GALNTL6: variants seen among roughly 807,000 people sequenced by gnomAD.
GALNTL6 encodes the protein polypeptide N-acetylgalactosaminyltransferase-like 6.
A neutral mutation model predicts 73.7 loss-of-function variants in GALNTL6; 46 were observed. The observed-to-expected ratio is 0.62, with a 90% CI of 0.49 to 0.80. GALNTL6 has a LOEUF of 0.80. Among genes scored for constraint, GALNTL6 ranks in the 30% least tolerant of loss-of-function variants. The pLI is 0.00. For missense variants in GALNTL6, 604 were observed against 755.0 expected (o/e 0.80, Z 2.34); for synonymous variants, 259 against 263.7 (o/e 0.98, Z 0.17).
At chr4:172,839,105 G>A (rs2111077413) in intron 7 of GALNTL6, among the ~76,000 whole-genome samples, 1 of 152,242 alleles carries the variant, frequency 6.6e-6, no homozygotes, top group Non-Finnish European at 1.5e-5. Flanking sequence ...ATAAGATTAC[G>A]TTTTGCTTCA....
At chr4:172,193,925 C>T (rs1735665968) in intron 2 of GALNTL6, among the ~76,000 whole-genome samples, 1 of 152,022 alleles carries the variant, frequency 6.6e-6, no homozygotes, top group Non-Finnish European at 1.5e-5. Context: ...AGCCAGAGTG[C>T]CTCTTCTCCA....
chr4:172,236,675 C>A (rs1036181382), intron 3 of GALNTL6, among the ~76,000 whole-genome samples: 13 of 151,836 alleles, frequency 8.6e-5, no homozygotes, highest in Non-Finnish European at 1.9e-4. Flanking sequence ...GTAATTACAC[C>A]TCTGTGGAAT....
intron 3 of GALNTL6, among the ~76,000 whole-genome samples, chr4:172,307,405 G>A (rs1740178026): frequency 6.6e-6 from 1 of 152,092 alleles, no homozygotes; most frequent in South Asian, 2.1e-4. Context: ...TTTGCTTTGG[G>A]GTTCTTGGTC....
intron 2 of GALNTL6, among the ~76,000 whole-genome samples, chr4:172,054,519 G>T (rs1730967103): frequency 6.6e-6 from 1 of 152,084 alleles, no homozygotes; most frequent in African/African-American, 2.4e-5. Context: ...AATATCCGGT[G>T]AAGTCCCACT....
chr4:173,000,338 G>T (rs1751993151), intron 10 of GALNTL6, among the ~76,000 whole-genome samples: 1 of 152,094 alleles, frequency 6.6e-6, no homozygotes, highest in African/African-American at 2.4e-5. Context: ...ATAAATGAGA[G>T]TAGAAACACA....
At chr4:172,249,503 G>A (rs1479220981) in intron 3 of GALNTL6, among the ~76,000 whole-genome samples, 1 of 152,128 alleles carries the variant, frequency 6.6e-6, no homozygotes, top group Non-Finnish European at 1.5e-5. Context: ...CCAAGACAAT[G>A]GGGAAAATAT....
chr4:172,455,835 C>T (rs753612544), intron 5 of GALNTL6, among the ~76,000 whole-genome samples: 78 of 152,206 alleles, frequency 5.1e-4, no homozygotes, highest in Admixed American at 1.2e-3. Flanking sequence ...CCCAGCACAG[C>T]GCTCAAGCTC....
chr4:172,959,663 GAGTC>G (rs1402028469), intron 10 of GALNTL6, among the ~76,000 whole-genome samples: 35 of 152,204 alleles, frequency 2.3e-4, no homozygotes, highest in African/African-American at 8.0e-4. Flanking sequence ...ATCTGGGAAG[GAGTC>G]AGTCAGAGAG....
intron 2 of GALNTL6, among the ~76,000 whole-genome samples, chr4:171,999,996 T>C (rs1435959929): frequency 6.6e-6 from 1 of 152,168 alleles, no homozygotes; most frequent in African/African-American, 2.4e-5. Context: ...GTAAAAGTTT[T>C]CTTTTGGAGA....
intron 7 of GALNTL6, among the ~76,000 whole-genome samples, chr4:172,850,490 G>A (rs747721915): frequency 1.3e-5 from 2 of 152,072 alleles, no homozygotes; most frequent in Non-Finnish European, 2.9e-5. Context: ...CTACATTCAC[G>A]CTTATCACGG....
At chr4:172,375,926 A>G (rs1248586898) in intron 5 of GALNTL6, among the ~76,000 whole-genome samples, 1 of 152,194 alleles carries the variant, frequency 6.6e-6, no homozygotes, top group Non-Finnish European at 1.5e-5. Flanking sequence ...CCATACCCTG[A>G]GGGAGGGAAG....
chr4:172,319,941 C>G (rs1740696213), intron 4 of GALNTL6, among the ~76,000 whole-genome samples: 1 of 152,124 alleles, frequency 6.6e-6, no homozygotes, highest in Admixed American at 6.5e-5. Flanking sequence ...CTATCCTTCT[C>G]TCCCAACTCA....
At chr4:172,976,253 G>A (rs1199391424) in intron 10 of GALNTL6, among the ~76,000 whole-genome samples, 1 of 152,146 alleles carries the variant, frequency 6.6e-6, no homozygotes, top group Non-Finnish European at 1.5e-5. Flanking sequence ...ATCTAAGTTA[G>A]TCATTAAAAG....
chr4:172,039,839 GC>G lies in GALNTL6; in HGVS notation c.139-189815del, dbSNP rs772586534. Among the ~76,000 whole-genome samples the G allele has an allele frequency of 3.3e-5, 5 of 152,094 alleles. No homozygotes were observed. The East Asian group carries it at 9.7e-4, about 29-fold the overall frequency. Reference sequence around the variant, plus strand: ...CTCATTATATTAAAATGACTTGATTGCCTCTAATGTTAACATATTTTATTCC... The same window carrying G: ...CTCATTATATTAAAATGACTTGATTGCTCTAATGTTAACATATTTTATTCC... On this transcript the variant is annotated intron_variant, in intron 2 of 12. Coordinates refer to ENST00000506823, the MANE Select transcript of GALNTL6 (RefSeq NM_001034845.3).
At chr4:172,267,873 T>G (rs1029030194) in intron 3 of GALNTL6, among the ~76,000 whole-genome samples, 6 of 152,102 alleles carry the variant, frequency 3.9e-5, no homozygotes, top group Non-Finnish European at 7.4e-5. Flanking sequence ...CTGAAAGGCA[T>G]TTGGAAAAAA....
chr4:172,047,693 G>C (rs1223363248), intron 2 of GALNTL6, among the ~76,000 whole-genome samples: 1 of 151,954 alleles, frequency 6.6e-6, no homozygotes, highest in Non-Finnish European at 1.5e-5. Flanking sequence ...AAAATACAGA[G>C]TTAAAGGAAG....
intron 5 of GALNTL6, among the ~76,000 whole-genome samples, chr4:172,738,078 G>C (rs1241944853): frequency 2.0e-5 from 3 of 152,186 alleles, no homozygotes; most frequent in African/African-American, 7.2e-5. Flanking sequence ...CTCAGAGATA[G>C]TTTTCCCTTC....
intron 5 of GALNTL6, among the ~76,000 whole-genome samples, chr4:172,773,661 A>C (rs1738906349): frequency 1.3e-5 from 2 of 152,084 alleles, no homozygotes; most frequent in African/African-American, 4.8e-5. Flanking sequence ...ACATATATAA[A>C]TGTAAATTAT....
intron 8 of GALNTL6, among the ~76,000 whole-genome samples, chr4:172,894,540 G>A (rs1314505473): frequency 2.0e-5 from 3 of 151,982 alleles, no homozygotes; most frequent in Non-Finnish European, 4.4e-5. Context: ...ATTCTATTTT[G>A]GTCAGACATG....
Sources: allele counts gnomAD v4.1 joint callset (sites outside exome capture counted in the v4.1 genomes callset), GRCh38; gene constraint gnomAD v4.1.1; transcripts MANE v1.5; gene names NCBI Gene and HGNC (gene_info 2026-07-23, HGNC 2026-07-21).